The following SPTA1 variants were observed in gnomAD, a reference collection of about 807,000 sequenced individuals.
The protein encoded by SPTA1 is spectrin alpha, erythrocytic 1.
Under a neutral mutation model 324.7 loss-of-function variants are expected in SPTA1, and 177 were observed. The ratio of observed to expected loss-of-function variants is 0.55; its 90% CI spans 0.48 to 0.62. The LOEUF (loss-of-function observed/expected upper bound fraction) is 0.62, where lower values mean the gene tolerates loss of function less well. Ranked by LOEUF, SPTA1 falls within the 20% of genes least tolerant of loss-of-function variation. The probability of loss-of-function intolerance (pLI) is 0.00; values close to 1 mark genes in which losing one functional copy is unlikely to be tolerated. For synonymous variants in SPTA1, 1,195 were observed against 1,041.3 expected (o/e 1.15, Z -2.84); for missense variants, 3,162 against 2,883.6 (o/e 1.10, Z -2.21).
chr1:158,655,428 T>A (rs1309274005), intron 20 of SPTA1, among the ~76,000 whole-genome samples: 1 of 152,192 alleles, frequency 6.6e-6, no homozygotes, highest in African/African-American at 2.4e-5. Context: ...TCCTAAGGAA[T>A]GACCCACCCC....
At chr1:158,635,112 C>T (rs981697782) in intron 38 of SPTA1, among the ~76,000 whole-genome samples, 12 of 152,044 alleles carry the variant, frequency 7.9e-5, no homozygotes, top group Non-Finnish European at 1.2e-4. Context: ...AGACAGAAAT[C>T]GTTATATTTG....
intron 33 of SPTA1, among the ~76,000 whole-genome samples, chr1:158,641,367 G>C (rs370950544): frequency 4.3e-4 from 65 of 152,144 alleles, no homozygotes; most frequent in South Asian, 3.1e-3. Flanking sequence ...TCAGAGTGAA[G>C]AGGCAACCTA....
At position 158,686,575 on chromosome 1, in the gene SPTA1, G is replaced by GAGAA. The variant is rs866469739; in HGVS notation, c.-59_-58insTTCT. On this transcript the variant is annotated 5_prime_UTR_variant, in exon 1 of 52. The change creates a premature stop within an existing upstream ORF in the 5' untranslated region. Coordinates refer to ENST00000643759, the MANE Select transcript of SPTA1 (RefSeq NM_003126.4). Reference sequence around the variant, plus strand: ...AATGTGTCAGAGAGAGAGAGAGAGAGAAATAATTCAAATGGAACTGTCCAG... The same window carrying GAGAA: ...AATGTGTCAGAGAGAGAGAGAGAGAGAGAAAAATAATTCAAATGGAACTGTCCAG... The GAGAA allele has an allele frequency of 1.4e-6, 2 of 1,385,214 alleles. No homozygotes were observed. The highest frequency in any genetic ancestry group is 2.1e-6 in the Non-Finnish European group (2 of 974,272). The allele number at this position is 1,385,214 out of a possible 1,614,324, so 85.8% of individuals were successfully genotyped here.
At chr1:158,616,904 G>GT (rs1187262055) in intron 47 of SPTA1, among the ~76,000 whole-genome samples, 4 of 151,562 alleles carry the variant, frequency 2.6e-5, no homozygotes, top group Admixed American at 6.6e-5. Context: ...ATTATTCCTT[G>GT]TTTTTTTAAT....
intron 12 of SPTA1, 84 bp from the exon 13 acceptor site, chr1:158,669,870 T>A: frequency 7.5e-7 from 1 of 1,324,610 alleles, no homozygotes; most frequent in Non-Finnish European, 1.1e-6. Context: ...TGTTTAAAGA[T>A]GAAGAACAGC....
intron 12 of SPTA1, 103 bp from the exon 13 acceptor site, chr1:158,669,889 A>G: frequency 8.6e-7 from 1 of 1,169,518 alleles, no homozygotes; most frequent in South Asian, 1.2e-5. Flanking sequence ...GCAATGTGGG[A>G]GGAGAAGTTT....
At chr1:158,628,894 C>G (rs914129651) in intron 39 of SPTA1, among the ~76,000 whole-genome samples, 1 of 151,874 alleles carries the variant, frequency 6.6e-6, no homozygotes, top group East Asian at 1.9e-4. Context: ...TGAAGAAAGT[C>G]CAAACAGACC....
intron 44 of SPTA1, 54 bp from the exon 45 acceptor site, chr1:158,619,388 A>T (rs201315591): frequency 1.9e-6 from 3 of 1,566,992 alleles, no homozygotes; most frequent in Non-Finnish European, 2.6e-6. Flanking sequence ...TTTCTTTGCC[A>T]TAAGAGAATT....
In SPTA1 at chr1:158,685,273, A is replaced by T; in HGVS notation, c.99T>A (p.Thr33=). The part of the protein sequence containing the change: ...EIQERRQEVL[T]RYQSFKERVA... ...CCCGCTCCTTGAAACTTTGATACCG[A>T]GTCAACACTTCCTGACGCCTCTCCT... Residue 33 remains threonine, a synonymous_variant, in exon 2 of 52, where the codon ACT becomes ACA. Transcript: ENST00000643759. 1 of 1,613,766 alleles carries T rather than the reference A, an allele frequency of 6.2e-7. No homozygotes were observed. Among genetic ancestry groups the T allele is most frequent in the Non-Finnish European group, 8.5e-7 (1 of 1,179,840 alleles).
Position 158,676,296 on chromosome 1 carries a change from C to G in SPTA1, c.958-1G>C. ...CTGCTTTAGCACATAACTCCTTCAC[C>G]TTTGGGATGAAAAAGAAACCTAGTA... On this transcript the variant is annotated splice_acceptor_variant, in intron 7 of 51. Coordinates refer to ENST00000643759, the MANE Select transcript of SPTA1 (RefSeq NM_003126.4). LOFTEE classifies it high-confidence loss of function. The G allele has an allele frequency of 1.1e-5, 17 of 1,613,344 alleles. No homozygotes were observed. Among genetic ancestry groups the G allele is most frequent in the Non-Finnish European group, 1.4e-5 (17 of 1,179,580 alleles).
intron 47 of SPTA1, among the ~76,000 whole-genome samples, chr1:158,615,982 A>C (rs2101751273): frequency 6.6e-6 from 1 of 152,294 alleles, no homozygotes; most frequent in South Asian, 2.1e-4. Flanking sequence ...ATGCTTTCTC[A>C]GTGAGGGAAT....
chr1:158,669,905 C>G (rs1361129750), intron 12 of SPTA1, 119 bp from the exon 13 acceptor site: 3 of 934,508 alleles, frequency 3.2e-6, no homozygotes, highest in African/African-American at 1.6e-5. Flanking sequence ...AGTTTGAAGG[C>G]CAGCAGATGT....
chr1:158,617,353 C>T (rs2022002), intron 47 of SPTA1, among the ~76,000 whole-genome samples, 184 bp downstream of exon 47: 35,045 of 151,246 alleles, frequency 0.23, 4,684 homozygotes, highest in East Asian at 0.45. Flanking sequence ...TGTGTAGATG[C>T]AGAAATTGAA....
chr1:158,645,996 C>T, intron 27 of SPTA1, among the ~76,000 whole-genome samples: 1 of 152,192 alleles, frequency 6.6e-6, no homozygotes, highest in East Asian at 1.9e-4. Flanking sequence ...CTGTTGGTTA[C>T]TGTTCCTTTT....
Position 158,645,582 on chromosome 1 carries a change from G to A in SPTA1, c.3909C>T (p.Asn1303=). ...CCATGCCACCAATGCTACTGATCCA[G>A]TTCTGCAGATCCCTAGATAAACAGA... is the stretch of plus-strand genomic sequence containing the variant. ...LFLSKARDLQ[N]WISSIGGMVS... Residue 1303 remains asparagine (N), a synonymous_variant, in exon 28 of 52, where the codon AAC becomes AAT. Coordinates refer to ENST00000643759, the MANE Select transcript of SPTA1 (RefSeq NM_003126.4). The A allele has an allele frequency of 6.2e-7, 1 of 1,613,928 alleles. No homozygotes were observed. The highest frequency in any genetic ancestry group is 8.5e-7 in the Non-Finnish European group (1 of 1,179,906).
chr1:158,669,110 T>G (rs1353291364), intron 14 of SPTA1, among the ~76,000 whole-genome samples: 3 of 152,110 alleles, frequency 2.0e-5, no homozygotes, highest in Non-Finnish European at 2.9e-5. Flanking sequence ...AAAAGGTCAA[T>G]AAGCAGCTCA....
At chr1:158,616,871 T>C (rs911899309) in intron 47 of SPTA1, among the ~76,000 whole-genome samples, 1 of 152,218 alleles carries the variant, frequency 6.6e-6, no homozygotes, top group Admixed American at 6.5e-5. Context: ...ATTTCCACTT[T>C]CTCTACATCT....
rs1307862971 is a variant in SPTA1, at chr1:158,657,570, G to A, written c.2712C>T (p.Tyr904=). Residue 904 remains tyrosine (Y), a synonymous_variant, in exon 19 of 52, where the codon TAC becomes TAT. Coordinates refer to ENST00000643759, the MANE Select transcript of SPTA1 (RefSeq NM_003126.4). ...DLEANVQFQQ[Y]LADLHEAETW... is the part of the protein sequence containing the mutation. Reference sequence around the variant, plus strand: ...TTTCTGCTTCATGCAGGTCAGCCAGGTACTGCTGGAACTGGACATTGGCTT... The same window carrying A: ...TTTCTGCTTCATGCAGGTCAGCCAGATACTGCTGGAACTGGACATTGGCTT... The A allele has an allele frequency of 1.2e-6, 2 of 1,613,928 alleles. No individual in the cohort carries two copies. Among genetic ancestry groups the A allele is most frequent in the Admixed American group, 3.3e-5 (2 of 59,982 alleles).
intron 7 of SPTA1, 95 bp downstream of exon 7, chr1:158,677,595 T>C (rs931329921): frequency 1.4e-6 from 2 of 1,464,092 alleles, no homozygotes; most frequent in Non-Finnish European, 1.9e-6. Context: ...AACAGTGAAC[T>C]TATTGTGCTC....
Sources: gnomAD v4.1 joint callset for allele counts (sites outside exome capture counted in the v4.1 genomes callset) on GRCh38, gnomAD v4.1.1 for gene constraint, MANE v1.5 for transcripts, NCBI Gene and HGNC (gene_info 2026-07-23, HGNC 2026-07-21) for gene names.